The following ZNF25 variants were observed in gnomAD, a reference collection of about 807,000 sequenced individuals.
The protein encoded by ZNF25 is zinc finger protein 25.
In ZNF25, 21 loss-of-function variants were observed where a neutral mutation model predicts 30.9. The ratio of observed to expected loss-of-function variants is 0.68; its 90% CI spans 0.48 to 0.98. ZNF25 has a LOEUF of 0.98. Among genes scored for constraint, ZNF25 ranks in the 50% least tolerant of loss-of-function variants. The pLI, the probability that ZNF25 is intolerant of heterozygous loss-of-function variation, is 0.00. For missense variants in ZNF25, 501 were observed against 529.9 expected, an observed-to-expected ratio of 0.95 and a Z score of 0.54; for synonymous variants, 169 against 181.3, an observed-to-expected ratio of 0.93 and a Z score of 0.55.
intron 2 of ZNF25, among the ~76,000 whole-genome samples, chr10:37,960,195 T>G (rs570014632): frequency 1.3e-5 from 2 of 152,320 alleles, no homozygotes; most frequent in South Asian, 4.1e-4. Flanking sequence ...TTGTTCATTC[T>G]GGGCTTAAAG....
intron 1 of ZNF25, among the ~76,000 whole-genome samples, chr10:37,972,829 A>T (rs879594629): frequency 8.5e-5 from 13 of 152,190 alleles, no homozygotes; most frequent in Admixed American, 2.0e-4. Flanking sequence ...GGTAGAACTG[A>T]TACATGAACT....
chr10:37,960,677 T>C (rs149008758), intron 2 of ZNF25, among the ~76,000 whole-genome samples: 28 of 129,922 alleles, frequency 2.2e-4, no homozygotes, highest in African/African-American at 7.1e-4. Flanking sequence ...GTATCCGAGA[T>C]AATGGCAGGA....
Position 37,952,117 on chromosome 10 carries a change from C to A in ZNF25, c.*10G>T, listed in dbSNP as rs1184005580. On this transcript the variant is annotated 3_prime_UTR_variant, in exon 6 of 6. Transcript: ENST00000302609. Reference sequence around the variant, plus strand: ...GGATTAATTCAGTCAAGAGAATTTCCCAACTCATCTTACTTCTCAGCATTC... The same window carrying A: ...GGATTAATTCAGTCAAGAGAATTTCACAACTCATCTTACTTCTCAGCATTC... 30 of 1,539,884 alleles carry A rather than the reference C, an allele frequency of 1.9e-5. No homozygotes were observed. Among genetic ancestry groups the A allele is most frequent in the Non-Finnish European group, 2.5e-5 (29 of 1,145,618 alleles).
intron 1 of ZNF25, among the ~76,000 whole-genome samples, chr10:37,972,598 C>T (rs1307314950): frequency 6.6e-6 from 1 of 152,156 alleles, no homozygotes; most frequent in Non-Finnish European, 1.5e-5. Context: ...CTGACAGTGA[C>T]ACAAATCTAC....
At chr10:37,958,892 T>A (rs906366700) in intron 2 of ZNF25, among the ~76,000 whole-genome samples, 35 of 151,842 alleles carry the variant, frequency 2.3e-4, no homozygotes, top group African/African-American at 8.0e-4. Context: ...TACTAAAAAA[T>A]ACAAAAATTA....
At chr10:37,954,031 A>G (rs1268421974) in intron 4 of ZNF25, among the ~76,000 whole-genome samples, 1 of 152,216 alleles carries the variant, frequency 6.6e-6, no homozygotes, top group African/African-American at 2.4e-5. Context: ...ACAAAAAAAG[A>G]ACCGGGAGAG....
intron 2 of ZNF25, among the ~76,000 whole-genome samples, chr10:37,961,597 C>CA (rs773545151): frequency 2.6e-3 from 393 of 148,742 alleles, no homozygotes; most frequent in South Asian, 4.3e-3. Flanking sequence ...AAAGAAACTA[C>CA]AAAAAAAAAA....
chr10:37,952,406 G>A lies in ZNF25; in HGVS notation c.1092C>T (p.His364=). 6.2e-7 allele frequency: 1 copy of A among 1,614,116 alleles called. No homozygotes were observed. The highest frequency in any genetic ancestry group is 8.5e-7 in the Non-Finnish European group (1 of 1,179,966). ...TGCATTCATAGGGCTTCTCCCCTGT[G>A]TGTTTTCTCTGATGTTTAGTGAGGT... The part of the protein sequence containing the change: ...KSDLTKHQRK[H]TGEKPYECTE... The change falls in exon 6 of 6, where the codon CAC becomes CAT. Residue 364 remains histidine (H), a synonymous_variant. Transcript: ENST00000302609.
rs1029308579 is a variant in ZNF25 at position 37,952,332 on chromosome 10, T to C, written c.1166A>G (p.Gln389Arg). ...GGGCTTCTCTCCTGTGTGAGTCCTTTGATGTAATCTGAGGACTGAATTCAC... is the reference window on the plus strand; with the variant it reads ...GGGCTTCTCTCCTGTGTGAGTCCTTCGATGTAATCTGAGGACTGAATTCAC... Reference protein sequence around the residue: ...FAVNSVLRLHQRTHTGEKPYA... With the variant: ...FAVNSVLRLHRRTHTGEKPYA... The change falls in exon 6 of 6, where the codon CAA (glutamine) becomes CGA (arginine). Residue 389 changes from glutamine to arginine, a missense_variant. Coordinates refer to ENST00000302609, the MANE Select transcript of ZNF25 (RefSeq NM_145011.4). 2.5e-6 allele frequency: 4 copies of C among 1,613,806 alleles called. No individual in the cohort carries two copies. The highest frequency in any genetic ancestry group is 3.4e-6 in the Non-Finnish European group (4 of 1,179,870).
chr10:37,957,639 G>A, intron 2 of ZNF25, 93 bp from the exon 3 acceptor site: 2 of 1,359,956 alleles, frequency 1.5e-6, no homozygotes, highest in East Asian at 2.4e-5. Flanking sequence ...TGTACTAACT[G>A]CAAAGTTCAT....
At chr10:37,974,731 T>G (rs1387213999) in intron 1 of ZNF25, among the ~76,000 whole-genome samples, 1 of 152,094 alleles carries the variant, frequency 6.6e-6, no homozygotes, top group Non-Finnish European at 1.5e-5. Flanking sequence ...AAAACAGAAT[T>G]ACCATATGAT....
chr10:37,967,030 G>C (rs2063224538), intron 2 of ZNF25, among the ~76,000 whole-genome samples: 1 of 152,158 alleles, frequency 6.6e-6, no homozygotes, highest in Non-Finnish European at 1.5e-5. Flanking sequence ...CCAAAAGAGA[G>C]CTGGCTGGCT....
intron 5 of ZNF25, 28 bp downstream of exon 5, chr10:37,953,667 T>A (rs1590185125): frequency 6.2e-7 from 1 of 1,607,414 alleles, no homozygotes; most frequent in East Asian, 2.2e-5. Context: ...ACAAATCTTC[T>A]ATCTTAAACA....
At chr10:37,963,637 T>C (rs2063014255) in intron 2 of ZNF25, among the ~76,000 whole-genome samples, 1 of 152,054 alleles carries the variant, frequency 6.6e-6, no homozygotes, top group South Asian at 2.1e-4. Context: ...ATTCCCTTGA[T>C]AATGAGTGAG....
intron 5 of ZNF25, 93 bp downstream of exon 5, chr10:37,953,602 T>C: frequency 8.5e-7 from 1 of 1,180,918 alleles, no homozygotes; most frequent in African/African-American, 1.5e-5. Context: ...TTTTCTCACG[T>C]TTAGTATTAA....
At chr10:37,964,041 C>T (rs1046876970) in intron 2 of ZNF25, among the ~76,000 whole-genome samples, 11 of 152,140 alleles carry the variant, frequency 7.2e-5, no homozygotes, top group Non-Finnish European at 1.6e-4. Flanking sequence ...CTTGCTCCCA[C>T]TGTCACTATG....
At chr10:37,961,047 T>TA (rs1298037561) in intron 2 of ZNF25, among the ~76,000 whole-genome samples, 2 of 152,132 alleles carry the variant, frequency 1.3e-5, no homozygotes, top group Admixed American at 6.5e-5. Flanking sequence ...GAAAATTAAT[T>TA]AAAGACTCCT....
chr10:37,966,725 G>A (rs181307563), intron 2 of ZNF25, among the ~76,000 whole-genome samples: 1 of 152,222 alleles, frequency 6.6e-6, no homozygotes, highest in African/African-American at 2.4e-5. Context: ...CTCCAACATT[G>A]AGGGTTACAA....
rs772714725 is a variant in ZNF25, at chr10:37,952,523, C to T, written c.975G>A (p.Gln325=). 1 of 1,613,926 alleles carries T rather than the reference C, an allele frequency of 6.2e-7. No homozygotes were observed. The highest frequency in any genetic ancestry group is 1.1e-5 in the South Asian group (1 of 91,044). ...ECKECRKCFY[Q]KSALTVHQRT... ...GCTGATGTACTGTGAGGGCTGACTT[C>T]TGGTAGAAGCATTTCCTACATTCCT... Residue 325 remains glutamine, a synonymous_variant, in exon 6 of 6, where the codon CAG becomes CAA. Coordinates refer to ENST00000302609, the MANE Select transcript of ZNF25 (RefSeq NM_145011.4).
Sources: allele counts gnomAD v4.1 joint callset (sites outside exome capture counted in the v4.1 genomes callset), GRCh38; gene constraint gnomAD v4.1.1; transcripts MANE v1.5; gene names NCBI Gene and HGNC (gene_info 2026-07-23, HGNC 2026-07-21).